The following CFH variants were observed in gnomAD, a reference collection of about 807,000 sequenced individuals.
CFH encodes H factor 1 (complement).
A neutral mutation model predicts 147.3 loss-of-function variants in CFH; 53 were observed. The ratio of observed to expected loss-of-function variants is 0.36; its 90% confidence interval spans 0.29 to 0.45. The LOEUF (loss-of-function observed/expected upper bound fraction) is 0.45, where lower values mean the gene tolerates loss of function less well. Among genes scored for constraint, CFH ranks in the 20% least tolerant of loss-of-function variants. The pLI is 1.00. For synonymous variants in CFH, 536 were observed against 489.4 expected (o/e 1.10, Z -1.26); for missense variants, 1,380 against 1,498.0 (o/e 0.92, Z 1.30).
chr1:196,676,468 G>C (rs963327815), intron 4 of CFH, among the ~76,000 whole-genome samples: 1 of 152,038 alleles, frequency 6.6e-6, no homozygotes, highest in Admixed American at 6.6e-5. Context: ...GAACGTGATT[G>C]AGACCTCCCA....
rs1024931988 is a variant in CFH, at chr1:196,695,257, A to G, written c.1336+5018A>G. On this transcript the variant is annotated intron_variant, in intron 9 of 21. Transcript: ENST00000367429. ...CAATTTTCCCTGCACCATTTATTCA[A>G]TAGGGAATCTTTTCCCTATTGCTTG... Among the ~76,000 whole-genome samples the G allele has an allele frequency of 2.6e-5, 4 of 152,270 alleles. No individual in the cohort carries two copies. In the South Asian group the frequency reaches 6.2e-4, roughly 24 times the overall value.
chr1:196,731,517 TA>T (rs1422641797), intron 15 of CFH, among the ~76,000 whole-genome samples: 2 of 152,030 alleles, frequency 1.3e-5, no homozygotes, highest in African/African-American at 4.8e-5. Flanking sequence ...ACCTTTATGC[TA>T]GCTGTATTTA....
At chr1:196,657,679 T>G (rs1398144137) in intron 1 of CFH, among the ~76,000 whole-genome samples, 1 of 152,238 alleles carries the variant, frequency 6.6e-6, no homozygotes, top group Non-Finnish European at 1.5e-5. Context: ...TTTTGCTATT[T>G]CTGTTTTGTT....
intron 9 of CFH, among the ~76,000 whole-genome samples, chr1:196,702,942 T>C (rs986135014): frequency 2.0e-5 from 3 of 152,156 alleles, no homozygotes; most frequent in Non-Finnish European, 4.4e-5. Flanking sequence ...AGAGAATAAA[T>C]GGATATTGAC....
At position 196,687,176 on chromosome 1, in the gene CFH, G is replaced by T. The variant is rs115748393; in HGVS notation, c.964+1939G>T. ...ATTAGCAGCAGTTATAAAAATTAGTGAATATTTTTATCAATTTTAAGATCT... is the reference window on the plus strand; with the variant it reads ...ATTAGCAGCAGTTATAAAAATTAGTTAATATTTTTATCAATTTTAAGATCT... On this transcript the variant is annotated intron_variant, in intron 7 of 21. Coordinates refer to ENST00000367429, the MANE Select transcript of CFH (RefSeq NM_000186.4). Among the ~76,000 whole-genome samples, 882 of 152,150 alleles carry T rather than the reference G, an allele frequency of 5.8e-3. 10 individuals carry two copies. Among genetic ancestry groups the T allele is most frequent in the African/African-American group, 0.02 (833 of 41,538 alleles).
chr1:196,687,443 T>C (rs1205540943), intron 7 of CFH, among the ~76,000 whole-genome samples: 2 of 152,054 alleles, frequency 1.3e-5, no homozygotes, highest in Non-Finnish European at 2.9e-5. Context: ...ATGTTATATG[T>C]TTTTAATTAT....
chr1:196,724,704 G>A (rs1669091339), intron 11 of CFH, among the ~76,000 whole-genome samples: 1 of 152,094 alleles, frequency 6.6e-6, no homozygotes, highest in African/African-American at 2.4e-5. Context: ...TCTTTCTGAG[G>A]AGAACTTGTG....
At position 196,745,813 on chromosome 1, in the gene CFH, T is replaced by A. The variant is rs1652984755; in HGVS notation, c.3311-4T>A. ...AAATCAAGTGATGAAATGATGTTTT[T>A]TAGATTCTACAGGAAAATGTGGGCC... On this transcript the variant is annotated splice_polypyrimidine_tract_variant and splice_region_variant and intron_variant, in intron 20 of 21. Transcript: ENST00000367429. 1 of 1,614,062 alleles carries A rather than the reference T, an allele frequency of 6.2e-7. No homozygotes were observed. The highest frequency in any genetic ancestry group is 2.2e-5 in the East Asian group (1 of 44,862).
intron 6 of CFH, among the ~76,000 whole-genome samples, chr1:196,683,755 G>A (rs1336224748): frequency 1.3e-5 from 2 of 151,772 alleles, no homozygotes; most frequent in Non-Finnish European, 3.0e-5. Context: ...TAATGTTGAG[G>A]AGTGCTGGAA....
At chr1:196,683,725 T>C (rs1031702325) in intron 6 of CFH, among the ~76,000 whole-genome samples, 7 of 151,764 alleles carry the variant, frequency 4.6e-5, no homozygotes, top group Non-Finnish European at 1.0e-4. Context: ...ACTAAAGACT[T>C]AAATCAGTAT....
At chr1:196,734,025 T>C (rs1378010000) in intron 15 of CFH, among the ~76,000 whole-genome samples, 1 of 152,110 alleles carries the variant, frequency 6.6e-6, no homozygotes, top group Admixed American at 6.6e-5. Context: ...CTAGAGAGAC[T>C]CTCATGTGTT....
chr1:196,657,251 A>G (rs1409896833), intron 1 of CFH, among the ~76,000 whole-genome samples: 4 of 152,162 alleles, frequency 2.6e-5, no homozygotes, highest in Admixed American at 6.5e-5. Flanking sequence ...TTACAAAGGT[A>G]TATATGTTAC....
intron 3 of CFH, among the ~76,000 whole-genome samples, chr1:196,674,224 G>A (rs1234615672): frequency 1.3e-5 from 2 of 152,054 alleles, no homozygotes; most frequent in Non-Finnish European, 2.9e-5. Context: ...ACATATATAA[G>A]TATTCACCCA....
Position 196,726,671 on chromosome 1 carries a change from A to G in CFH, c.2056+19A>G, listed in dbSNP as rs1248458701. 1.2e-6 allele frequency: 2 copies of G among 1,606,000 alleles called. No individual in the cohort carries two copies. The highest frequency in any genetic ancestry group is 1.7e-6 in the Non-Finnish European group (2 of 1,173,154). On this transcript the variant is annotated intron_variant, in intron 13 of 21. Transcript: ENST00000367429. Reference sequence around the variant, plus strand: ...TGTATTGGTAATGTATAAAATATTAATATTTAAACTTGTCAAAACTTTTGT... The same window carrying G: ...TGTATTGGTAATGTATAAAATATTAGTATTTAAACTTGTCAAAACTTTTGT...
At chr1:196,706,351 A>T (rs960621196) in intron 9 of CFH, among the ~76,000 whole-genome samples, 1 of 152,216 alleles carries the variant, frequency 6.6e-6, no homozygotes, top group African/African-American at 2.4e-5. Flanking sequence ...TACCCAAGAA[A>T]GTAGCTATAA....
intron 15 of CFH, among the ~76,000 whole-genome samples, chr1:196,728,763 A>G (rs1669210805): frequency 6.6e-6 from 1 of 151,282 alleles, no homozygotes; most frequent in African/African-American, 2.4e-5. Flanking sequence ...ACACACATAA[A>G]CCAGGCACTA....
At chr1:196,737,748 A>T in intron 17 of CFH, 88 bp downstream of exon 17, 1 of 956,054 alleles carries the variant, frequency 1.0e-6, no homozygotes, top group Non-Finnish European at 1.6e-6. Context: ...AATAATTGAG[A>T]TTACTGCATA....
intron 6 of CFH, 88 bp from the exon 7 acceptor site, chr1:196,684,976 A>G (rs1009999996): frequency 4.9e-6 from 5 of 1,030,476 alleles, no homozygotes; most frequent in Non-Finnish European, 6.0e-6. Flanking sequence ...GGACAAATAA[A>G]TAACACCCAC....
Position 196,736,847 on chromosome 1 carries a change from C to A in CFH, c.2437C>A (p.Pro813Thr). 6.5e-7 allele frequency: 1 copy of A among 1,539,450 alleles called. No individual in the cohort carries two copies. Among genetic ancestry groups the A allele is most frequent in the South Asian group, 1.3e-5 (1 of 77,024 alleles). ...CSMAQIQLCP[P>T]PPQIPNSHNM... ...AGTGGCACAAATACAATTATGCCCA[C>A]CTCCACCTCAGATTCCCAATTCTCA... The change falls in exon 16 of 22, where the codon CCT (proline) becomes ACT (threonine). Residue 813 changes from proline (P) to threonine (T), a missense_variant. Physicochemically the swap from Pro to Thr is conservative, Grantham distance 38 (BLOSUM62 -1). Coordinates refer to ENST00000367429, the MANE Select transcript of CFH (RefSeq NM_000186.4).
Sources: gnomAD v4.1 joint callset for allele counts (sites outside exome capture counted in the v4.1 genomes callset) on GRCh38, gnomAD v4.1.1 for gene constraint, MANE v1.5 for transcripts, NCBI Gene and HGNC (gene_info 2026-07-23, HGNC 2026-07-21) for gene names.